BPIFB3: variants seen among roughly 807,000 people sequenced by gnomAD.
The protein encoded by BPIFB3 is BPI fold containing family B member 3.
In BPIFB3, 49 loss-of-function variants were observed where a neutral mutation model predicts 53.1. That is an observed-to-expected ratio of 0.92 (90% confidence interval 0.73 to 1.17). The LOEUF (loss-of-function observed/expected upper bound fraction) is 1.17, where lower values mean the gene tolerates loss of function less well. Ranked by LOEUF, BPIFB3 falls within the 50% of genes most tolerant of loss-of-function variation. The pLI, the probability that BPIFB3 is intolerant of heterozygous loss-of-function variation, is 0.00. For synonymous variants in BPIFB3, 271 were observed against 269.6 expected (o/e 1.01, Z -0.05); for missense variants, 628 against 592.5 (o/e 1.06, Z -0.62).
At chr20:33,054,476 C>T (rs988519792), upstream of BPIFB3, among the ~76,000 whole-genome samples, 5 of 152,094 alleles carry the variant, frequency 3.3e-5, no homozygotes, top group East Asian at 1.9e-4. Flanking sequence ...AAGTGAAGGA[C>T]GGAGGCCTCT....
rs142384287 is a variant in BPIFB3, at chr20:33,069,643, A to G, written c.1150-245A>G. Among the ~76,000 whole-genome samples, 10 of 152,316 alleles carry G rather than the reference A, an allele frequency of 6.6e-5. No individual in the cohort carries two copies. The East Asian group carries it at 1.9e-3, about 29-fold the overall frequency. ...GCAGGCATGCTTGAGGGGCTCTCCA[A>G]GCTCCTGCAGCCCCAGAGCTTCCTC... On this transcript the variant is annotated intron_variant, in intron 10 of 14. Coordinates refer to ENST00000375494, the Ensembl canonical transcript of BPIFB3.
intron 2 of BPIFB3, among the ~76,000 whole-genome samples, chr20:33,058,978 G>A (rs1160325662): frequency 6.6e-6 from 1 of 152,160 alleles, no homozygotes; most frequent in East Asian, 1.9e-4. Context: ...ACCCACTCGG[G>A]TTGCATTTGT....
At position 33,057,907 on chromosome 20, in the gene BPIFB3, G is replaced by A. The variant is rs141471150; in HGVS notation, c.281+1209G>A. ...ACTAACTCAATGAGCACCTATTCAG[G>A]GTTTTCTGTGTGTCTAGCACTGTGC... On this transcript the variant is annotated intron_variant, in intron 2 of 14. Transcript: ENST00000375494. Among the ~76,000 whole-genome samples, 1,019 of 152,224 alleles carry A rather than the reference G, an allele frequency of 6.7e-3. 9 individuals carry two copies. Among genetic ancestry groups the A allele is most frequent in the African/African-American group, 0.023 (975 of 41,528 alleles).
chr20:33,072,115 A>G (rs1980926476), exon 13 of BPIFB3: 1 of 1,614,218 alleles, frequency 6.2e-7, no homozygotes. Flanking sequence ...GATCGCGTTT[A>G]GAAGAATGGC....
chr20:33,066,234 C>G (rs926933566), intron 8 of BPIFB3, among the ~76,000 whole-genome samples: 3 of 152,102 alleles, frequency 2.0e-5, no homozygotes, highest in African/African-American at 7.2e-5. Context: ...ACCCTGTGCC[C>G]CATTTCTCAG....
intron 4 of BPIFB3, among the ~76,000 whole-genome samples, chr20:33,061,329 C>T (rs562375359): frequency 6.6e-6 from 1 of 150,956 alleles, no homozygotes; most frequent in African/African-American, 2.5e-5. Context: ...TGCACTTATC[C>T]TCAGGCCATC....
At chr20:33,059,857 T>G in intron 3 of BPIFB3, 34 bp from the exon 5 acceptor site, 1 of 1,607,744 alleles carries the variant, frequency 6.2e-7, no homozygotes, top group South Asian at 1.1e-5. Flanking sequence ...GGGAGCTGGC[T>G]GCCTGGCCAC....
At chr20:33,064,537 C>T in exon 7 of BPIFB3, 2 of 1,614,064 alleles carry the variant, frequency 1.2e-6, no homozygotes, top group East Asian at 2.2e-5. Context: ...GTACATAGAA[C>T]TGGACATCAA....
At chr20:33,066,455 C>T (rs1980673917) in intron 8 of BPIFB3, among the ~76,000 whole-genome samples, 1 of 152,182 alleles carries the variant, frequency 6.6e-6, no homozygotes, top group African/African-American at 2.4e-5. Flanking sequence ...TGAGCCTTGG[C>T]AGAGTAAAAG....
intron 5 of BPIFB3, among the ~76,000 whole-genome samples, chr20:33,063,376 T>C (rs1179253417): frequency 6.6e-6 from 1 of 152,128 alleles, no homozygotes; most frequent in Non-Finnish European, 1.5e-5. Flanking sequence ...TTTAGGGGTT[T>C]TCTAATGGGG....
chr20:33,060,873 A>T (rs562495604), intron 4 of BPIFB3, among the ~76,000 whole-genome samples: 1 of 152,246 alleles, frequency 6.6e-6, no homozygotes, highest in South Asian at 2.1e-4. Context: ...CCTCTCAATC[A>T]TCACTTTCAT....
chr20:33,070,034 G>T, intron 11 of BPIFB3, 79 bp downstream of exon 12: 1 of 1,513,810 alleles, frequency 6.6e-7, no homozygotes, highest in Non-Finnish European at 9.2e-7. Context: ...TCCGCCTCCC[G>T]TTTCTTGAGC....
chr20:33,063,966 A>G (rs1286320060), intron 6 of BPIFB3, among the ~76,000 whole-genome samples: 1 of 152,180 alleles, frequency 6.6e-6, no homozygotes, highest in Non-Finnish European at 1.5e-5. Context: ...CAGGGGGAAG[A>G]TATAATGATT....
chr20:33,063,506 C>A, intron 5 of BPIFB3, 109 bp from the exon 7 acceptor site: 3 of 1,244,926 alleles, frequency 2.4e-6, no homozygotes, highest in Non-Finnish European at 3.5e-6. Context: ...TCCGCCTTGC[C>A]TTGGTCCCCA....
chr20:33,062,744 G>A (rs1980509315), intron 5 of BPIFB3, among the ~76,000 whole-genome samples: 1 of 152,210 alleles, frequency 6.6e-6, no homozygotes, highest in Admixed American at 6.5e-5. Flanking sequence ...CAGCCATCCT[G>A]GCTGCCTGAT....
chr20:33,072,719 G>A lies in BPIFB3; in HGVS notation c.1327G>A (p.Ala443Thr), dbSNP rs140066843. The stretch of plus-strand genomic sequence containing the variant: ...TTTCAACGATTCTCTTTTCACAGTG[G>A]CCCTGGATGTTGGAATTCCCCTGCC... Residue 443 changes from alanine (A) to threonine (T), a missense_variant and splice_region_variant, in exon 14 of 15, where the codon GCC (alanine) becomes ACC (threonine). By Grantham distance (58) the Ala-to-Thr change is moderately conservative (BLOSUM62 0). Coordinates refer to ENST00000375494, the Ensembl canonical transcript of BPIFB3. 2 of 1,612,342 alleles carry A rather than the reference G, an allele frequency of 1.2e-6. No homozygotes were observed. Among genetic ancestry groups the A allele is most frequent in the East Asian group, 4.5e-5 (2 of 44,878 alleles).
rs970654419 is a variant in BPIFB3, at chr20:33,065,987, C to T, written c.925-837C>T. Among the ~76,000 whole-genome samples the T allele has an allele frequency of 7.2e-5, 11 of 152,202 alleles. 1 individual carries two copies. The highest frequency in any genetic ancestry group is 1.3e-4 in the Admixed American group (2 of 15,280). On this transcript the variant is annotated intron_variant, in intron 8 of 14. Coordinates refer to ENST00000375494, the Ensembl canonical transcript of BPIFB3. ...TGTAAGAACGTGCATGTCTGAGCGG[C>T]CTGCGGATGTGGGTGTGTGTATAGG...
chr20:33,061,656 C>G, intron 4 of BPIFB3, 112 bp from the exon 6 acceptor site: 1 of 1,064,120 alleles, frequency 9.4e-7, no homozygotes, highest in Non-Finnish European at 1.4e-6. Flanking sequence ...CAACACCACC[C>G]CCAAGAGAAG....
intron 8 of BPIFB3, among the ~76,000 whole-genome samples, chr20:33,065,147 A>G (rs965406855): frequency 3.9e-5 from 6 of 152,200 alleles, no homozygotes; most frequent in Admixed American, 3.9e-4. Context: ...AATGAAGCCC[A>G]CTTTCCATAC....
Sources: allele counts gnomAD v4.1 joint callset (sites outside exome capture counted in the v4.1 genomes callset), GRCh38; gene constraint gnomAD v4.1.1; transcripts MANE v1.5; gene names NCBI Gene and HGNC (gene_info 2026-07-23, HGNC 2026-07-21).